The following CNTNAP2 variants were observed in gnomAD, a reference collection of about 807,000 sequenced individuals.
CNTNAP2 encodes the protein contactin-associated protein-like 2.
In CNTNAP2, 98 loss-of-function variants were observed where a neutral mutation model predicts 155.2. That is an observed-to-expected ratio of 0.63 (90% confidence interval 0.54 to 0.75). CNTNAP2 has a LOEUF of 0.75. CNTNAP2 is among the 30% of genes least tolerant of loss of function. The pLI is 0.00. For synonymous variants in CNTNAP2, 651 were observed against 631.2 expected (o/e 1.03, Z -0.47); for missense variants, 1,727 against 1,688.1 (o/e 1.02, Z -0.40).
At chr7:146,860,772 A>G (rs986287608) in intron 3 of CNTNAP2, among the ~76,000 whole-genome samples, 1 of 152,100 alleles carries the variant, frequency 6.6e-6, no homozygotes, top group Non-Finnish European at 1.5e-5. Context: ...CATTATTGAC[A>G]TTCTGGTTTT....
At chr7:148,144,526 G>T (rs59230943) in intron 16 of CNTNAP2, among the ~76,000 whole-genome samples, 1 of 152,060 alleles carries the variant, frequency 6.6e-6, no homozygotes, top group African/African-American at 2.4e-5. Flanking sequence ...AGCATCATCA[G>T]ACTGTGGCCA....
At chr7:146,132,502 T>C (rs186498390) in intron 1 of CNTNAP2, among the ~76,000 whole-genome samples, 2,077 of 151,700 alleles carry the variant, frequency 0.014, 42 homozygotes, top group African/African-American at 0.046. Context: ...GCCATGCTGG[T>C]GCACTGCACC....
chr7:147,887,857 C>T (rs996293071), intron 13 of CNTNAP2, among the ~76,000 whole-genome samples: 15 of 152,152 alleles, frequency 9.9e-5, no homozygotes, highest in African/African-American at 3.1e-4. Flanking sequence ...AAGAAATTAT[C>T]CCTTGAAGCT....
intron 1 of CNTNAP2, among the ~76,000 whole-genome samples, chr7:146,730,514 C>T (rs1801507369): frequency 6.6e-6 from 1 of 152,090 alleles, no homozygotes; most frequent in East Asian, 1.9e-4. Flanking sequence ...ACAGTATGCC[C>T]TAAAGTGTTG....
At chr7:146,767,693 T>G (rs1253623381) in intron 1 of CNTNAP2, among the ~76,000 whole-genome samples, 1 of 152,146 alleles carries the variant, frequency 6.6e-6, no homozygotes, top group Non-Finnish European at 1.5e-5. Flanking sequence ...AGTCAATGAG[T>G]TCTTTGCCCT....
At chr7:147,546,573 C>T (rs1391182543) in intron 11 of CNTNAP2, among the ~76,000 whole-genome samples, 1 of 152,082 alleles carries the variant, frequency 6.6e-6, no homozygotes, top group Non-Finnish European at 1.5e-5. Context: ...TAGATATGTA[C>T]TTGTGCATCA....
At chr7:146,978,809 TAAG>T (rs1204295015) in intron 3 of CNTNAP2, among the ~76,000 whole-genome samples, 2 of 151,986 alleles carry the variant, frequency 1.3e-5, no homozygotes, top group African/African-American at 4.8e-5. Context: ...CCAAAATAAA[TAAG>T]AAAGTGTCCA....
intron 10 of CNTNAP2, among the ~76,000 whole-genome samples, chr7:147,474,976 G>T (rs921676765): frequency 4.6e-5 from 7 of 152,146 alleles, no homozygotes; most frequent in African/African-American, 1.7e-4. Flanking sequence ...TAAAACAAAT[G>T]GAAGCATATT....
intron 12 of CNTNAP2, among the ~76,000 whole-genome samples, chr7:147,611,291 C>T (rs1034933127): frequency 6.6e-6 from 1 of 152,134 alleles, no homozygotes; most frequent in Non-Finnish European, 1.5e-5. Context: ...CATCTCCTTG[C>T]TACACAGGTT....
intron 4 of CNTNAP2, among the ~76,000 whole-genome samples, chr7:147,049,534 T>C (rs529299880): frequency 1.4e-4 from 12 of 88,522 alleles, no homozygotes; most frequent in South Asian, 3.7e-4. Context: ...TCATATAACT[T>C]TGAGTGGGGA....
intron 1 of CNTNAP2, among the ~76,000 whole-genome samples, chr7:146,479,899 C>T (rs920801751): frequency 3.3e-5 from 5 of 152,152 alleles, no homozygotes; most frequent in African/African-American, 1.2e-4. Flanking sequence ...ATTCTTCTGC[C>T]TCATCCTCCA....
chr7:147,611,210 A>T (rs1801178358), intron 12 of CNTNAP2, among the ~76,000 whole-genome samples: 1 of 152,146 alleles, frequency 6.6e-6, no homozygotes. Flanking sequence ...GATGACATTT[A>T]CTTAGCCTCC....
intron 11 of CNTNAP2, among the ~76,000 whole-genome samples, chr7:147,507,462 CT>C (rs1431457657): frequency 6.6e-6 from 1 of 150,734 alleles, no homozygotes; most frequent in Non-Finnish European, 1.5e-5. Flanking sequence ...TGGATCGACT[CT>C]TGTCAGTTAC....
At chr7:147,131,345 C>T (rs1801354876) in intron 7 of CNTNAP2, among the ~76,000 whole-genome samples, 1 of 151,566 alleles carries the variant, frequency 6.6e-6, no homozygotes, top group Non-Finnish European at 1.5e-5. Context: ...CAATTACATT[C>T]CTTAAAATAT....
intron 13 of CNTNAP2, among the ~76,000 whole-genome samples, chr7:147,840,699 A>G (rs1365166258): frequency 6.6e-6 from 1 of 152,204 alleles, no homozygotes; most frequent in Non-Finnish European, 1.5e-5. Flanking sequence ...AATGAATTTG[A>G]AAGAATTGAA....
chr7:147,503,105 T>C (rs34332683), intron 11 of CNTNAP2, among the ~76,000 whole-genome samples: 48,549 of 151,984 alleles, frequency 0.32, 7,987 homozygotes, highest in East Asian at 0.43. Flanking sequence ...AGTTTAGAAG[T>C]CCATAATCAA....
chr7:147,087,745 G>A (rs772137500), intron 4 of CNTNAP2, among the ~76,000 whole-genome samples: 40 of 152,288 alleles, frequency 2.6e-4, no homozygotes, highest in Non-Finnish European at 4.6e-4. Flanking sequence ...GGGAGGCCAA[G>A]GTAGGTGGAT....
intron 13 of CNTNAP2, among the ~76,000 whole-genome samples, chr7:147,832,526 A>G (rs1478977781): frequency 6.9e-6 from 1 of 145,384 alleles, no homozygotes; most frequent in Non-Finnish European, 1.5e-5. Context: ...ATTATATTTC[A>G]ATATATTTTT....
Position 147,273,471 on chromosome 7 carries a change from C to T in CNTNAP2, c.1349-26670C>T, listed in dbSNP as rs140690611. ...GGGCACCCATCACCCGAATAGTGATCATTGTATCCAACAGTAATTTTTCAA... is the reference window on the plus strand; with the variant it reads ...GGGCACCCATCACCCGAATAGTGATTATTGTATCCAACAGTAATTTTTCAA... On this transcript the variant is annotated intron_variant, in intron 8 of 23. Coordinates refer to ENST00000361727, the MANE Select transcript of CNTNAP2 (RefSeq NM_014141.6). 1.6e-4 allele frequency among the ~76,000 whole-genome samples: 24 copies of T among 152,044 alleles called. No individual in the cohort carries two copies. The East Asian group carries it at 4.6e-3, about 29-fold the overall frequency.
Sources: allele counts gnomAD v4.1 joint callset (sites outside exome capture counted in the v4.1 genomes callset), GRCh38; gene constraint gnomAD v4.1.1; transcripts MANE v1.5; gene names NCBI Gene and HGNC (gene_info 2026-07-23, HGNC 2026-07-21).